Variants in SRPK1 observed in about 807,000 individuals in gnomAD.
SRPK1 encodes the protein SFRS protein kinase 1.
SRPK1 carries 52 observed loss-of-function variants against 89.5 expected under a neutral mutation model. The ratio of observed to expected loss-of-function variants is 0.58; its 90% CI spans 0.46 to 0.73. The LOEUF (loss-of-function observed/expected upper bound fraction) is 0.73. Ranked by LOEUF, SRPK1 falls within the 30% of genes least tolerant of loss-of-function variation. The pLI, the probability that SRPK1 is intolerant of heterozygous loss-of-function variation, is 0.00. For missense variants in SRPK1, 603 were observed against 780.6 expected, an observed-to-expected ratio of 0.77 and a Z score of 2.71; for synonymous variants, 255 against 270.2, an observed-to-expected ratio of 0.94 and a Z score of 0.55.
Position 35,872,651 on chromosome 6 carries a change from C to A in SRPK1, c.663G>T (p.Leu221Phe). 6.2e-7 allele frequency: 1 copy of A among 1,612,414 alleles called. No homozygotes were observed. The highest frequency in any genetic ancestry group is 1.3e-5 in the African/African-American group (1 of 74,972). Residue 221 changes from leucine to phenylalanine, a missense_variant, in exon 8 of 16, where the codon TTG (leucine) becomes TTT (phenylalanine). Coordinates refer to ENST00000373825, the MANE Select transcript of SRPK1 (RefSeq NM_003137.5). ...HTDIKPENIL[L>F]SVNEQYIRRL... ...TCCGAATGTACTGCTCATTCACTGA[C>A]AATAAGATGTTCTCTGGTTTAATGT...
At chr6:35,848,045 T>C (rs1036863661) in intron 13 of SRPK1, among the ~76,000 whole-genome samples, 3 of 152,050 alleles carry the variant, frequency 2.0e-5, no homozygotes, top group African/African-American at 7.2e-5. Context: ...ACACAATCCA[T>C]CTGCCTTGGC....
chr6:35,895,371 T>G (rs1167322585), intron 2 of SRPK1, among the ~76,000 whole-genome samples: 1 of 152,086 alleles, frequency 6.6e-6, no homozygotes, highest in East Asian at 1.9e-4. Context: ...CACCAATATT[T>G]TCATGTTACG....
At chr6:35,878,670 A>AC (rs1463719673) in intron 6 of SRPK1, among the ~76,000 whole-genome samples, 2 of 151,878 alleles carry the variant, frequency 1.3e-5, no homozygotes, top group Non-Finnish European at 2.9e-5. Flanking sequence ...CATTTTTGTA[A>AC]CCCCCCTCCA....
chr6:35,852,970 T>C (rs1253332165), intron 13 of SRPK1, among the ~76,000 whole-genome samples: 12 of 152,164 alleles, frequency 7.9e-5, no homozygotes, highest in South Asian at 2.1e-4. Flanking sequence ...ACAGGCACAG[T>C]GACTCATGCC....
rs1228523264 is a variant in SRPK1, at chr6:35,855,816, C to T, written c.1620+1445G>A. ...ATGGTGCGATCTTGGCTCACTGCAA[C>T]CTCTGCTTCCCAGGTTCAAGCGATT... On this transcript the variant is annotated intron_variant, in intron 13 of 15. Coordinates refer to ENST00000373825, the MANE Select transcript of SRPK1 (RefSeq NM_003137.5). Among the ~76,000 whole-genome samples, 3 of 152,174 alleles carry T rather than the reference C, an allele frequency of 2.0e-5. No individual in the cohort carries two copies. In the East Asian group the frequency reaches 5.8e-4, roughly 29 times the overall value.
intron 12 of SRPK1, among the ~76,000 whole-genome samples, chr6:35,861,642 T>C (rs1003981094): frequency 2.0e-5 from 3 of 152,240 alleles, no homozygotes; most frequent in African/African-American, 4.8e-5. Flanking sequence ...CTCCCCGCTC[T>C]GGTCCCAGGC....
At chr6:35,863,035 C>T (rs566260891) in intron 12 of SRPK1, among the ~76,000 whole-genome samples, 1 of 151,984 alleles carries the variant, frequency 6.6e-6, no homozygotes, top group South Asian at 2.1e-4. Context: ...CCTGGGGTCC[C>T]AGCTACTCAG....
chr6:35,892,204 T>C (rs911271244), intron 2 of SRPK1, among the ~76,000 whole-genome samples: 13 of 152,224 alleles, frequency 8.5e-5, no homozygotes, highest in Non-Finnish European at 1.0e-4. Flanking sequence ...TTTCATTTTA[T>C]AATGCATTAA....
intron 11 of SRPK1, 132 bp downstream of exon 11, chr6:35,869,350 T>C: frequency 1.8e-6 from 2 of 1,140,950 alleles, no homozygotes; most frequent in Non-Finnish European, 1.3e-6. Context: ...AGCTACAGAT[T>C]ACAATTTAAA....
At position 35,868,879 on chromosome 6, in the gene SRPK1, T is replaced by C. The variant is rs1046866447; in HGVS notation, c.1512+131A>G. Reference sequence around the variant, plus strand: ...TTCCATAGTAAAAGGTTTTTTTAAATGTAAAAAAATATTCACTGAAGTGTT... The same window carrying C: ...TTCCATAGTAAAAGGTTTTTTTAAACGTAAAAAAATATTCACTGAAGTGTT... On this transcript the variant is annotated intron_variant, in intron 12 of 15. Coordinates refer to ENST00000373825, the MANE Select transcript of SRPK1 (RefSeq NM_003137.5). 7.6e-6 allele frequency: 5 copies of C among 661,874 alleles called. No individual in the cohort carries two copies. The African/African-American group carries it at 7.6e-5, about 10-fold the overall frequency. 41.0% of individuals were successfully genotyped at this position (661,874 alleles called of 1,614,324 possible).
chr6:35,882,086 C>T (rs1463389261), intron 6 of SRPK1, among the ~76,000 whole-genome samples: 2 of 148,438 alleles, frequency 1.3e-5, no homozygotes, highest in Admixed American at 6.8e-5. Context: ...GTAGTAGTAG[C>T]AGTAGTAGTA....
rs1771224242 is a variant in SRPK1 at position 35,920,933 on chromosome 6, G to A, written c.13+111C>T. 7.8e-6 allele frequency: 10 copies of A among 1,277,522 alleles called. No individual in the cohort carries two copies. In the South Asian group the frequency reaches 1.1e-4, roughly 14 times the overall value. 79.1% of individuals were successfully genotyped at this position (1,277,522 alleles called of 1,614,324 possible). On this transcript the variant is annotated intron_variant, in intron 1 of 15. Coordinates refer to ENST00000373825, the MANE Select transcript of SRPK1 (RefSeq NM_003137.5). ...GGCGGCGCCACCTCAGTGGAGGGGC[G>A]CCGCACGTCCGGGAACCGAACCGCG...
intron 6 of SRPK1, among the ~76,000 whole-genome samples, chr6:35,885,751 A>C (rs1009269226): frequency 1.3e-5 from 2 of 152,194 alleles, no homozygotes; most frequent in Admixed American, 6.5e-5. Context: ...TTACTGAAAA[A>C]TCTGATTGAC....
At chr6:35,918,408 A>C (rs1164203025) in intron 2 of SRPK1, among the ~76,000 whole-genome samples, 1 of 152,016 alleles carries the variant, frequency 6.6e-6, no homozygotes, top group Non-Finnish European at 1.5e-5. Flanking sequence ...GGCTGAGGCA[A>C]GAGAATTGCT....
At chr6:35,864,292 A>AT (rs1311427307) in intron 12 of SRPK1, among the ~76,000 whole-genome samples, 1 of 152,150 alleles carries the variant, frequency 6.6e-6, no homozygotes, top group Non-Finnish European at 1.5e-5. Context: ...CAAATTACCC[A>AT]TCTGATAGGG....
intron 2 of SRPK1, among the ~76,000 whole-genome samples, chr6:35,909,142 C>A (rs1312829789): frequency 6.6e-6 from 1 of 152,180 alleles, no homozygotes; most frequent in Non-Finnish European, 1.5e-5. Context: ...GTAGATCCAC[C>A]AATAGCTTGC....
rs1327070065 is a variant in SRPK1, at chr6:35,913,488, C to T, written c.74+6980G>A. On this transcript the variant is annotated intron_variant, in intron 2 of 15. Coordinates refer to ENST00000373825, the MANE Select transcript of SRPK1 (RefSeq NM_003137.5). ...CCACCTGGGCAACAGAACAAGACCCCGTCTCAAAAAAAAGTAAAAAGCAAA... is the reference window on the plus strand; with the variant it reads ...CCACCTGGGCAACAGAACAAGACCCTGTCTCAAAAAAAAGTAAAAAGCAAA... 2.0e-5 allele frequency among the ~76,000 whole-genome samples: 3 copies of T among 151,812 alleles called. 1 individual carries two copies. Among genetic ancestry groups the T allele is most frequent in the Non-Finnish European group, 1.5e-5 (1 of 67,926 alleles).
In SRPK1 at chr6:35,904,836, T is replaced by C; in HGVS notation, c.75-13823A>G. 8.9e-6 allele frequency: 2 copies of C among 223,516 alleles called. 1 individual carries two copies. The highest frequency in any genetic ancestry group is 9.8e-5 in the South Asian group (2 of 20,488). 13.8% of individuals were successfully genotyped at this position (223,516 alleles called of 1,614,324 possible). A position where few individuals can be genotyped will look rare whatever the true frequency, so the allele number is the denominator to read the frequency against. On this transcript the variant is annotated intron_variant, in intron 2 of 15. Transcript: ENST00000373825. ...AAAGAAAAAAAGTAAAATAAAAAAA[T>C]AAAAAATAAATAAAGTCGTGGGCTG... is the stretch of plus-strand genomic sequence containing the variant.
intron 12 of SRPK1, among the ~76,000 whole-genome samples, chr6:35,864,012 C>T (rs1769841734): frequency 1.3e-5 from 2 of 152,112 alleles, no homozygotes; most frequent in South Asian, 4.1e-4. Context: ...AACTCAATCC[C>T]TATCTCTCGT....
Sources: gnomAD v4.1 joint callset for allele counts (sites outside exome capture counted in the v4.1 genomes callset) on GRCh38, gnomAD v4.1.1 for gene constraint, MANE v1.5 for transcripts, NCBI Gene and HGNC (gene_info 2026-07-23, HGNC 2026-07-21) for gene names.